The following PLXNA4 variants were observed in gnomAD, a reference collection of about 807,000 sequenced individuals.
PLXNA4 encodes plexin-A4.
A neutral mutation model predicts 191.8 loss-of-function variants in PLXNA4; 44 were observed. The observed-to-expected ratio is 0.23, with a 90% CI of 0.18 to 0.29. PLXNA4 has a LOEUF of 0.29. PLXNA4 is among the 10% of genes least tolerant of loss of function. The pLI, the probability that PLXNA4 is intolerant of heterozygous loss-of-function variation, is 1.00. For synonymous variants in PLXNA4, 1,082 were observed against 1,009.5 expected, an observed-to-expected ratio of 1.07 and a Z score of -1.36; for missense variants, 1,800 against 2,488.8, an observed-to-expected ratio of 0.72 and a Z score of 5.89.
At chr7:132,474,749 C>T (rs999643094) in intron 3 of PLXNA4, among the ~76,000 whole-genome samples, 1 of 152,180 alleles carries the variant, frequency 6.6e-6, no homozygotes, top group African/African-American at 2.4e-5. Flanking sequence ...CCTTCCCCTC[C>T]TCTGCATTTC....
chr7:132,625,168 G>A (rs937987124), intron 2 of PLXNA4, among the ~76,000 whole-genome samples: 6 of 152,092 alleles, frequency 3.9e-5, no homozygotes, highest in Non-Finnish European at 7.3e-5. Flanking sequence ...ACCCTCCGAC[G>A]GGGTACAGAC....
intron 8 of PLXNA4, among the ~76,000 whole-genome samples, chr7:132,224,234 C>T (rs941693335): frequency 2.0e-5 from 3 of 152,182 alleles, no homozygotes; most frequent in Non-Finnish European, 4.4e-5. Context: ...ACAGGCTATG[C>T]CCTTCACGGT....
chr7:132,566,986 C>T (rs2116730857), intron 1 of PLXNA4, among the ~76,000 whole-genome samples: 1 of 152,272 alleles, frequency 6.6e-6, no homozygotes, highest in East Asian at 1.9e-4. Flanking sequence ...AACTTGAAAG[C>T]TTCCAGTTGA....
intron 17 of PLXNA4, 37 bp downstream of exon 17, chr7:132,182,060 G>A (rs1160948267): frequency 5.6e-6 from 9 of 1,613,930 alleles, no homozygotes; most frequent in Non-Finnish European, 6.8e-6. Context: ...CGTGTTGCAT[G>A]GGCAGCCTCC....
chr7:132,493,357 C>A (rs747883116), intron 2 of PLXNA4, among the ~76,000 whole-genome samples: 7 of 152,172 alleles, frequency 4.6e-5, no homozygotes, highest in Non-Finnish European at 1.0e-4. Flanking sequence ...GTTATGATAA[C>A]CCTTGTTTAT....
chr7:132,190,997 C>T (rs530324429), intron 14 of PLXNA4, among the ~76,000 whole-genome samples: 5 of 152,248 alleles, frequency 3.3e-5, no homozygotes, highest in East Asian at 1.9e-4. Flanking sequence ...GACTGGGTCC[C>T]GAGCACAACT....
At chr7:132,633,901 CCACTCAGCA>C (rs906149492) in intron 2 of PLXNA4, among the ~76,000 whole-genome samples, 3 of 152,066 alleles carry the variant, frequency 2.0e-5, no homozygotes, top group African/African-American at 7.2e-5. Context: ...TTGAGCTCTC[CCACTCAGCA>C]CACACAGCAA....
At chr7:132,239,206 G>A (rs1798799971) in intron 5 of PLXNA4, among the ~76,000 whole-genome samples, 1 of 152,128 alleles carries the variant, frequency 6.6e-6, no homozygotes, top group South Asian at 2.1e-4. Flanking sequence ...TTACAGAAGG[G>A]TAAACTGAGG....
intron 3 of PLXNA4, among the ~76,000 whole-genome samples, chr7:132,414,488 G>A (rs914184573): frequency 1.3e-5 from 2 of 152,162 alleles, no homozygotes; most frequent in Non-Finnish European, 1.5e-5. Flanking sequence ...ACAGGAGACT[G>A]GGGTGGCAGA....
At chr7:132,648,115 A>G (rs1803919398) in intron 1 of PLXNA4, among the ~76,000 whole-genome samples, 1 of 152,116 alleles carries the variant, frequency 6.6e-6, no homozygotes. Flanking sequence ...ATACACACAT[A>G]TGCACTCACA....
intron 4 of PLXNA4, among the ~76,000 whole-genome samples, chr7:132,256,289 G>A (rs911150763): frequency 5.9e-5 from 9 of 152,228 alleles, no homozygotes; most frequent in Admixed American, 2.6e-4. Context: ...GCAAGAAAAC[G>A]GATGTGACAA....
intron 1 of PLXNA4, among the ~76,000 whole-genome samples, chr7:132,535,606 G>C (rs6948134): frequency 0.033 from 5,001 of 152,146 alleles, 222 homozygotes; most frequent in African/African-American, 0.097. Flanking sequence ...CCGCCCCATA[G>C]CCCACACCTC....
intron 3 of PLXNA4, among the ~76,000 whole-genome samples, chr7:132,338,022 T>C (rs933836453): frequency 1.8e-4 from 27 of 152,198 alleles, no homozygotes; most frequent in Non-Finnish European, 7.3e-5. Context: ...CACTCTCATA[T>C]CTACACTGTA....
In PLXNA4 at chr7:132,463,079, A is replaced by T. The variant is rs534556785; in HGVS notation, c.1371+26213T>A. ...TGGCCAGGTTGGTCTCTAACTTCTG[A>T]CCTCAAGTGATCCACCCCCCTTCAG... On this transcript the variant is annotated intron_variant, in intron 3 of 31. Transcript: ENST00000321063. Among the ~76,000 whole-genome samples, 3 of 152,060 alleles carry T rather than the reference A, an allele frequency of 2.0e-5. No homozygotes were observed. In the East Asian group the frequency reaches 5.8e-4, roughly 29 times the overall value.
chr7:132,474,214 TCACACACACACACACACACACACA>T (rs56832356), intron 3 of PLXNA4, among the ~76,000 whole-genome samples: 2 of 140,194 alleles, frequency 1.4e-5, no homozygotes, highest in South Asian at 2.4e-4. Flanking sequence ...TCTCTCTGTC[TCACACACACACACACACACACACA>T]CACACACACA....
intron 4 of PLXNA4, among the ~76,000 whole-genome samples, chr7:132,246,795 CAT>C (rs1799071282): frequency 6.6e-6 from 1 of 151,620 alleles, no homozygotes; most frequent in Non-Finnish European, 1.5e-5. Context: ...TCATCATCAT[CAT>C]CATCATCATC....
At chr7:132,169,359 T>C (rs1377942679) in intron 21 of PLXNA4, among the ~76,000 whole-genome samples, 1 of 152,186 alleles carries the variant, frequency 6.6e-6, no homozygotes, top group Non-Finnish European at 1.5e-5. Context: ...ATGACTCAGG[T>C]AGGTGTGGAA....
At chr7:132,276,957 G>A (rs557646187) in intron 4 of PLXNA4, among the ~76,000 whole-genome samples, 4 of 152,218 alleles carry the variant, frequency 2.6e-5, no homozygotes, top group Non-Finnish European at 2.9e-5. Context: ...TGGATTCATC[G>A]TGGGGAGAAC....
chr7:132,256,860 G>A (rs1219802690), intron 4 of PLXNA4, among the ~76,000 whole-genome samples: 3 of 152,188 alleles, frequency 2.0e-5, no homozygotes, highest in Admixed American at 1.3e-4. Flanking sequence ...GATACGGCAG[G>A]TGGAAGGCTA....
Sources: allele counts gnomAD v4.1 joint callset (sites outside exome capture counted in the v4.1 genomes callset), GRCh38; gene constraint gnomAD v4.1.1; transcripts MANE v1.5; gene names NCBI Gene and HGNC (gene_info 2026-07-23, HGNC 2026-07-21).